Variants in SDC2 observed in about 807,000 individuals in gnomAD.
The protein encoded by SDC2 is syndecan-2.
SDC2 carries 13 observed loss-of-function variants against 22.2 expected under a neutral mutation model. The ratio of observed to expected loss-of-function variants is 0.59; its 90% CI spans 0.38 to 0.93. The LOEUF is 0.93. Among genes scored for constraint, SDC2 ranks in the 40% least tolerant of loss-of-function variants. The probability of loss-of-function intolerance (pLI) is 0.00; values close to 1 mark genes in which losing one functional copy is unlikely to be tolerated. For synonymous variants in SDC2, 94 were observed against 92.8 expected, an observed-to-expected ratio of 1.01 and a Z score of -0.07; for missense variants, 235 against 246.8, an observed-to-expected ratio of 0.95 and a Z score of 0.32.
At chr8:96,528,084 G>A (rs1017848555) in intron 1 of SDC2, among the ~76,000 whole-genome samples, 36 of 152,234 alleles carry the variant, frequency 2.4e-4, no homozygotes, top group East Asian at 3.9e-4. Flanking sequence ...ATTATAAGTC[G>A]TTGGGGAAGG....
At chr8:96,533,612 CAG>C (rs1343653128) in intron 1 of SDC2, among the ~76,000 whole-genome samples, 1 of 150,932 alleles carries the variant, frequency 6.6e-6, no homozygotes, top group Non-Finnish European at 1.5e-5. Flanking sequence ...GAGCTAGACA[CAG>C]AGTGCTGATT....
intron 1 of SDC2, among the ~76,000 whole-genome samples, chr8:96,565,364 CG>C (rs1814283145): frequency 6.6e-6 from 1 of 151,852 alleles, no homozygotes; most frequent in African/African-American, 2.4e-5. Flanking sequence ...AGATTACAGG[CG>C]TGAGCCACCG....
chr8:96,595,553 A>G (rs1483838413), intron 2 of SDC2, among the ~76,000 whole-genome samples: 1 of 151,856 alleles, frequency 6.6e-6, no homozygotes. Context: ...TGTCATCTTC[A>G]ATATGTCCCA....
intron 2 of SDC2, among the ~76,000 whole-genome samples, chr8:96,597,264 C>T (rs764224963): frequency 1.3e-5 from 2 of 152,216 alleles, no homozygotes; most frequent in Non-Finnish European, 2.9e-5. Context: ...TGTCCATTTA[C>T]CCTCTGGGTA....
chr8:96,590,459 G>T (rs936349184), intron 1 of SDC2, among the ~76,000 whole-genome samples: 1 of 152,088 alleles, frequency 6.6e-6, no homozygotes, highest in Non-Finnish European at 1.5e-5. Flanking sequence ...GTGTAAAATC[G>T]GTAGTTTCGA....
chr8:96,529,465 T>G (rs1212333718), intron 1 of SDC2, among the ~76,000 whole-genome samples: 2 of 152,186 alleles, frequency 1.3e-5, no homozygotes, highest in Non-Finnish European at 2.9e-5. Context: ...ATTTTTACAT[T>G]TAAAAACTCC....
intron 1 of SDC2, chr8:96,537,454 G>T (rs868395720): frequency 8.6e-6 from 1 of 116,558 alleles, no homozygotes; most frequent in Non-Finnish European, 1.8e-5. Flanking sequence ...AAAGTTCTCC[G>T]AAAATTGTGA....
In SDC2 at chr8:96,553,227, T is replaced by C. The variant is rs145073256; in HGVS notation, c.61-40253T>C. ...CCCCACAAACCAGTATTTCTGTTGA[T>C]ATTAATTTTAGAAAAGATTAATTAC... On this transcript the variant is annotated intron_variant, in intron 1 of 4. Transcript: ENST00000302190. 3.9e-3 allele frequency among the ~76,000 whole-genome samples: 595 copies of C among 152,284 alleles called. 3 individuals are homozygous for C. Among genetic ancestry groups the C allele is most frequent in the African/African-American group, 0.014 (572 of 41,580 alleles).
At chr8:96,516,215 C>A (rs1265723610) in intron 1 of SDC2, among the ~76,000 whole-genome samples, 1 of 152,152 alleles carries the variant, frequency 6.6e-6, no homozygotes, top group East Asian at 1.9e-4. Flanking sequence ...CTCTGCTTAA[C>A]CTTTTTGGGT....
intron 1 of SDC2, among the ~76,000 whole-genome samples, chr8:96,573,616 C>A (rs892768666): frequency 1.3e-5 from 2 of 152,020 alleles, no homozygotes; most frequent in Admixed American, 1.3e-4. Context: ...TTGGCAAGAC[C>A]TGTAGATTTT....
At chr8:96,598,019 G>C (rs1411686022) in intron 2 of SDC2, among the ~76,000 whole-genome samples, 4 of 152,140 alleles carry the variant, frequency 2.6e-5, no homozygotes, top group African/African-American at 9.7e-5. Context: ...TAAATTTATT[G>C]GTCTCAGTTC....
At chr8:96,497,328 C>T (rs761455155) in intron 1 of SDC2, among the ~76,000 whole-genome samples, 5 of 151,982 alleles carry the variant, frequency 3.3e-5, no homozygotes, top group Non-Finnish European at 5.9e-5. Flanking sequence ...AAAACAAGGG[C>T]TCTTTCTCTC....
At chr8:96,562,596 C>T (rs1178090734) in intron 1 of SDC2, among the ~76,000 whole-genome samples, 2 of 152,298 alleles carry the variant, frequency 1.3e-5, no homozygotes, top group African/African-American at 4.8e-5. Context: ...GTGCAGGCTT[C>T]TTGTTCCTAA....
chr8:96,512,180 G>T (rs2130442680), intron 1 of SDC2, among the ~76,000 whole-genome samples: 1 of 152,270 alleles, frequency 6.6e-6, no homozygotes, highest in Admixed American at 6.5e-5. Context: ...GTCACACAAG[G>T]TACTATGCGG....
chr8:96,497,442 T>A (rs1813093242), intron 1 of SDC2, among the ~76,000 whole-genome samples: 2 of 152,204 alleles, frequency 1.3e-5, no homozygotes, highest in Admixed American at 1.3e-4. Context: ...GAGCATGCCC[T>A]TCAGCTTCTG....
chr8:96,521,903 A>G (rs974159704), intron 1 of SDC2, among the ~76,000 whole-genome samples: 1 of 152,206 alleles, frequency 6.6e-6, no homozygotes, highest in Non-Finnish European at 1.5e-5. Flanking sequence ...ATTTTGAGTA[A>G]CCAAGAGAAA....
rs1815172569 is a variant in SDC2 at position 96,611,348 on chromosome 8, C to T, written c.*1800C>T. On this transcript the variant is annotated 3_prime_UTR_variant, in exon 5 of 5. Coordinates refer to ENST00000302190, the MANE Select transcript of SDC2 (RefSeq NM_002998.4). ...ACAGCAAAAAAAGCAACTTTTCCAACATACAATTTACTTTTAATAAAGTAT... is the reference window on the plus strand; with the variant it reads ...ACAGCAAAAAAAGCAACTTTTCCAATATACAATTTACTTTTAATAAAGTAT... The T allele has an allele frequency of 6.6e-6, 1 of 152,568 alleles. No individual in the cohort carries two copies. The highest frequency in any genetic ancestry group is 1.5e-5 in the Non-Finnish European group (1 of 68,032). 9.5% of individuals were successfully genotyped at this position (152,568 alleles called of 1,614,324 possible). A position where few individuals can be genotyped will look rare whatever the true frequency, so the allele number is the denominator to read the frequency against.
intron 2 of SDC2, among the ~76,000 whole-genome samples, chr8:96,599,300 C>T (rs1836910): frequency 0.2 from 30,839 of 151,944 alleles, 3,724 homozygotes; most frequent in South Asian, 0.36. Flanking sequence ...AAATCTCTTC[C>T]CTCATACAGA....
At chr8:96,576,310 C>T (rs1363114937) in intron 1 of SDC2, among the ~76,000 whole-genome samples, 1 of 143,312 alleles carries the variant, frequency 7.0e-6, no homozygotes, top group Non-Finnish European at 1.5e-5. Flanking sequence ...TGCAGATACA[C>T]AGAGAACTTG....
Sources: gnomAD v4.1 joint callset for allele counts (sites outside exome capture counted in the v4.1 genomes callset) on GRCh38, gnomAD v4.1.1 for gene constraint, MANE v1.5 for transcripts, NCBI Gene and HGNC (gene_info 2026-07-23, HGNC 2026-07-21) for gene names.